TOGARAM2: variants seen among roughly 807,000 people sequenced by gnomAD.
The protein encoded by TOGARAM2 is TOG array regulator of axonemal microtubules 2.
TOGARAM2 carries 85 observed loss-of-function variants against 93.3 expected under a neutral mutation model. The observed-to-expected ratio is 0.91, with a 90% CI of 0.76 to 1.09. The LOEUF (loss-of-function observed/expected upper bound fraction) is 1.09. TOGARAM2 is among the 50% of genes least tolerant of loss of function. The probability of loss-of-function intolerance (pLI) is 0.00; values close to 1 mark genes in which losing one functional copy is unlikely to be tolerated. For missense variants in TOGARAM2, 1,277 were observed against 1,334.5 expected (o/e 0.96, Z 0.67); for synonymous variants, 593 against 552.8 (o/e 1.07, Z -1.02).
chr2:28,980,190 C>T (rs1416350449), upstream of TOGARAM2, among the ~76,000 whole-genome samples: 1 of 152,214 alleles, frequency 6.6e-6, no homozygotes, highest in Non-Finnish European at 1.5e-5. Flanking sequence ...CAGCACCTGC[C>T]CCAGAGGGAC....
intron 19 of TOGARAM2, 69 bp downstream of exon 19, chr2:29,045,479 A>G (rs763616341): frequency 5.7e-6 from 7 of 1,219,372 alleles, no homozygotes; most frequent in Non-Finnish European, 6.9e-6. Flanking sequence ...TCTGTGGTTG[A>G]ACCATTCACC....
At chr2:29,000,849 C>T (rs963209771) in intron 4 of TOGARAM2, among the ~76,000 whole-genome samples, 27 of 152,170 alleles carry the variant, frequency 1.8e-4, no homozygotes, top group African/African-American at 6.5e-4. Context: ...TTGGAATGCC[C>T]GAGAAGCTTC....
intron 13 of TOGARAM2, among the ~76,000 whole-genome samples, chr2:29,025,657 C>A (rs1467565314): frequency 1.3e-5 from 2 of 152,138 alleles, no homozygotes; most frequent in African/African-American, 4.8e-5. Context: ...TCTGATGTCC[C>A]CCACTGTGTT....
rs972661438 is a variant in TOGARAM2 at position 28,999,879 on chromosome 2, C to T, written c.427+411C>T. Among the ~76,000 whole-genome samples the T allele has an allele frequency of 5.3e-5, 8 of 152,208 alleles. No homozygotes were observed. In the East Asian group the frequency reaches 7.7e-4, roughly 15 times the overall value. On this transcript the variant is annotated intron_variant, in intron 4 of 19. Coordinates refer to ENST00000379558, the MANE Select transcript of TOGARAM2 (RefSeq NM_199280.4). ...CCCCAACTGTGTCACTCTCTGCCTT[C>T]GGTCTCTGCTGTCCAGGGCCTGGGG...
At chr2:28,983,205 T>A (rs1468820981) in intron 1 of TOGARAM2, among the ~76,000 whole-genome samples, 1,790 of 24,426 alleles carry the variant, frequency 0.073, 21 homozygotes, top group Non-Finnish European at 0.11. Flanking sequence ...TATATTTTTT[T>A]TTTTTTTTTT....
intron 1 of TOGARAM2, among the ~76,000 whole-genome samples, chr2:28,968,871 G>A (rs535379959): frequency 5.4e-4 from 61 of 112,218 alleles, no homozygotes; most frequent in African/African-American, 1.2e-3. Context: ...CATGCCGAAC[G>A]TGCTTCTGAG....
intron 16 of TOGARAM2, among the ~76,000 whole-genome samples, chr2:29,034,328 A>T (rs545173319): frequency 1.3e-5 from 2 of 152,298 alleles, no homozygotes; most frequent in African/African-American, 4.8e-5. Context: ...GATTCAGCTC[A>T]CCTGTCACTT....
In TOGARAM2 at chr2:29,006,171, G is replaced by A. The variant is rs527446799; in HGVS notation, c.830+2489G>A. ...TGTGCGTAAGTACATGTGTGAGCAT[G>A]TGTGACCACATGTGTGTGCATGTGT... On this transcript the variant is annotated intron_variant, in intron 6 of 19. Coordinates refer to ENST00000379558, the MANE Select transcript of TOGARAM2 (RefSeq NM_199280.4). Among the ~76,000 whole-genome samples, 10 of 130,760 alleles carry A rather than the reference G, an allele frequency of 7.6e-5. No homozygotes were observed. The South Asian group carries it at 1.9e-3, about 24-fold the overall frequency. 85.8% of individuals were successfully genotyped at this position (130,760 alleles called of 152,430 possible). A position where few individuals can be genotyped will look rare whatever the true frequency, so the allele number is the denominator to read the frequency against.
intron 10 of TOGARAM2, chr2:29,018,157 G>C (rs1432501572): frequency 9.9e-6 from 6 of 606,028 alleles, no homozygotes; most frequent in Non-Finnish European, 1.7e-5. Context: ...GGCTGGGCTT[G>C]GGACCCAGGA....
chr2:28,989,300 C>T (rs1572639988), intron 1 of TOGARAM2, among the ~76,000 whole-genome samples: 1 of 152,210 alleles, frequency 6.6e-6, no homozygotes, highest in East Asian at 1.9e-4. Flanking sequence ...ATCTGCCCAC[C>T]TTGGCCTCCC....
At chr2:29,022,833 G>A (rs758731025) in intron 11 of TOGARAM2, among the ~76,000 whole-genome samples, 1 of 152,220 alleles carries the variant, frequency 6.6e-6, no homozygotes, top group Non-Finnish European at 1.5e-5. Context: ...GTCCTGGAGG[G>A]GGGTGGGCTT....
intron 1 of TOGARAM2, among the ~76,000 whole-genome samples, chr2:28,982,353 G>A (rs1438569619): frequency 2.0e-5 from 3 of 152,200 alleles, no homozygotes; most frequent in African/African-American, 7.2e-5. Context: ...AGGAGCGCTG[G>A]GAGGGGAGGG....
Position 29,002,567 on chromosome 2 carries a change from A to G in TOGARAM2, c.459A>G (p.Gly153=). The G allele has an allele frequency of 6.2e-7, 1 of 1,613,852 alleles. No individual in the cohort carries two copies. The highest frequency in any genetic ancestry group is 8.5e-7 in the Non-Finnish European group (1 of 1,179,846). ...ASLDPGGGPQ[G]VPLHSTIPRA... is the part of the protein sequence containing the mutation. The stretch of plus-strand genomic sequence containing the variant: ...TGGATCCAGGGGGAGGCCCCCAAGG[A>G]GTTCCCCTGCACAGCACCATCCCCC... The change falls in exon 5 of 20, where the codon GGA becomes GGG. Residue 153 remains glycine (G), a synonymous_variant. Transcript: ENST00000379558.
At chr2:28,959,763 T>C (rs1309828739) in intron 1 of TOGARAM2, among the ~76,000 whole-genome samples, 2 of 152,038 alleles carry the variant, frequency 1.3e-5, no homozygotes, top group East Asian at 1.9e-4. Context: ...AAAAAAAGAA[T>C]AGTATGATGA....
At position 29,017,877 on chromosome 2, in the gene TOGARAM2, G is replaced by A. The variant is rs755055404; in HGVS notation, c.1281G>A (p.Leu427=). Residue 427 remains leucine, a synonymous_variant, in exon 10 of 20, where the codon CTG becomes CTA. Coordinates refer to ENST00000379558, the MANE Select transcript of TOGARAM2 (RefSeq NM_199280.4). The stretch of plus-strand genomic sequence containing the variant: ...GCAGAAACGACGTCAGCATCATCCT[G>A]AGGAAGTGGGCCAGCCGGGCCTCCC... ...GPCRNDVSII[L]RKWASRASLP... The A allele has an allele frequency of 6.2e-7, 1 of 1,613,322 alleles. No individual in the cohort carries two copies.
At chr2:29,004,172 G>A (rs879312336) in intron 6 of TOGARAM2, among the ~76,000 whole-genome samples, 1 of 152,024 alleles carries the variant, frequency 6.6e-6, no homozygotes, top group East Asian at 1.9e-4. Context: ...TAGTAGAGAC[G>A]GGTTTCAGCA....
chr2:28,985,721 T>C (rs1405167458), intron 1 of TOGARAM2, among the ~76,000 whole-genome samples: 1 of 152,230 alleles, frequency 6.6e-6, no homozygotes, highest in Non-Finnish European at 1.5e-5. Flanking sequence ...AAGATGTCTC[T>C]TTCTCAAGAC....
intron 18 of TOGARAM2, among the ~76,000 whole-genome samples, chr2:29,044,714 G>T (rs573349089): frequency 6.6e-6 from 1 of 152,106 alleles, no homozygotes; most frequent in African/African-American, 2.4e-5. Flanking sequence ...CTCTATGCCT[G>T]TTACATAGAT....
intron 1 of TOGARAM2, among the ~76,000 whole-genome samples, chr2:28,966,890 C>G (rs1671874507): frequency 6.6e-6 from 1 of 152,174 alleles, no homozygotes; most frequent in Non-Finnish European, 1.5e-5. Context: ...TCATGAGTTT[C>G]ATAGGAAAGC....
Sources: allele counts gnomAD v4.1 joint callset (sites outside exome capture counted in the v4.1 genomes callset), GRCh38; gene constraint gnomAD v4.1.1; transcripts MANE v1.5; gene names NCBI Gene and HGNC (gene_info 2026-07-23, HGNC 2026-07-21).